The following ADAMTS18 variants were observed in gnomAD, a reference collection of about 807,000 sequenced individuals.
ADAMTS18 encodes ADAM metallopeptidase with thrombospondin type 1 motif 18.
Under a neutral mutation model 165.9 loss-of-function variants are expected in ADAMTS18, and 157 were observed. The ratio of observed to expected loss-of-function variants is 0.95; its 90% CI spans 0.83 to 1.08. The LOEUF (loss-of-function observed/expected upper bound fraction) is 1.08, where lower values mean the gene tolerates loss of function less well. Among genes scored for constraint, ADAMTS18 ranks in the 50% least tolerant of loss-of-function variants. The pLI is 0.00. For missense variants in ADAMTS18, 2,040 were observed against 1,534.0 expected (o/e 1.33, Z -5.51); for synonymous variants, 782 against 578.2 (o/e 1.35, Z -5.06).
intron 3 of ADAMTS18, among the ~76,000 whole-genome samples, chr16:77,405,744 G>T (rs867455983): frequency 5.9e-5 from 9 of 152,196 alleles, no homozygotes; most frequent in Middle Eastern, 6.8e-3. Flanking sequence ...GACTTCCTAG[G>T]TTACAGATGG....
intron 8 of ADAMTS18, among the ~76,000 whole-genome samples, chr16:77,357,974 C>G (rs528253174): frequency 6.6e-6 from 1 of 152,278 alleles, no homozygotes; most frequent in East Asian, 1.9e-4. Context: ...TGAAATTTTT[C>G]AATGACCAGT....
intron 16 of ADAMTS18, among the ~76,000 whole-genome samples, chr16:77,301,267 A>G (rs1422109676): frequency 5.8e-5 from 8 of 138,780 alleles, no homozygotes; most frequent in Non-Finnish European, 1.1e-4. Context: ...GTAGCTGCCT[A>G]TATTTTCATT....
At chr16:77,295,887 AG>A (rs1379193006) in intron 18 of ADAMTS18, among the ~76,000 whole-genome samples, 2 of 151,996 alleles carry the variant, frequency 1.3e-5, no homozygotes, top group Non-Finnish European at 2.9e-5. Flanking sequence ...CTTGTTGCCC[AG>A]GCTGGAGTGC....
intron 9 of ADAMTS18, among the ~76,000 whole-genome samples, chr16:77,355,589 A>G (rs1411835419): frequency 1.3e-5 from 2 of 152,190 alleles, no homozygotes; most frequent in African/African-American, 4.8e-5. Context: ...TAGAGATCCT[A>G]GAGTCAGAAC....
At chr16:77,323,312 T>C (rs944799086) in intron 13 of ADAMTS18, among the ~76,000 whole-genome samples, 1 of 152,158 alleles carries the variant, frequency 6.6e-6, no homozygotes, top group African/African-American at 2.4e-5. Flanking sequence ...TTGCAAATAG[T>C]TGTGCTTCAT....
Position 77,319,889 on chromosome 16 carries a change from A to G in ADAMTS18, c.2492T>C (p.Leu831Pro). ...CTCATTTGTGGGCCCTGGCGCGTAC[A>G]GACGTTCCGGGCGGTTGAAAGAGCG... ...YQRSFNRPER[L>P]YAPGPTNETL... The change falls in exon 16 of 23, where the codon CTG becomes CCG. Residue 831 changes from leucine (L) to proline (P), a missense_variant. Coordinates refer to ENST00000282849, the MANE Select transcript of ADAMTS18 (RefSeq NM_199355.4). 1 of 1,614,226 alleles carries G rather than the reference A, an allele frequency of 6.2e-7. No homozygotes were observed. Among genetic ancestry groups the G allele is most frequent in the Non-Finnish European group, 8.5e-7 (1 of 1,180,028 alleles).
rs114277935 is a variant in ADAMTS18, at chr16:77,363,035, C to G, written c.1056+767G>C. ...GCAATTAGATCAACTTTTGTCTTGTCTGTGTCTTCCTGCTTTTTATGTTTT... is the reference window on the plus strand; with the variant it reads ...GCAATTAGATCAACTTTTGTCTTGTGTGTGTCTTCCTGCTTTTTATGTTTT... On this transcript the variant is annotated intron_variant, in intron 6 of 22. Coordinates refer to ENST00000282849, the MANE Select transcript of ADAMTS18 (RefSeq NM_199355.4). 6.4e-3 allele frequency among the ~76,000 whole-genome samples: 979 copies of G among 152,278 alleles called. 10 individuals are homozygous for G. Among genetic ancestry groups the G allele is most frequent in the African/African-American group, 0.022 (910 of 41,568 alleles).
chr16:77,414,724 G>A (rs970077992), intron 3 of ADAMTS18, among the ~76,000 whole-genome samples: 1 of 152,122 alleles, frequency 6.6e-6, no homozygotes, highest in African/African-American at 2.4e-5. Context: ...ACTAAAATTA[G>A]ATTCATTCAA....
intron 9 of ADAMTS18, among the ~76,000 whole-genome samples, chr16:77,354,332 G>A (rs2056597951): frequency 6.6e-6 from 1 of 151,972 alleles, no homozygotes; most frequent in Non-Finnish European, 1.5e-5. Flanking sequence ...TTTTTAAACA[G>A]ATAATGGAGC....
intron 16 of ADAMTS18, among the ~76,000 whole-genome samples, 198 bp from the exon 17 acceptor site, chr16:77,300,602 A>C (rs1016130094): frequency 5.3e-5 from 8 of 152,188 alleles, no homozygotes; most frequent in African/African-American, 1.7e-4. Context: ...CATGTTATCA[A>C]AACTGTGATT....
intron 16 of ADAMTS18, among the ~76,000 whole-genome samples, chr16:77,315,165 A>T (rs1220151956): frequency 6.6e-6 from 1 of 152,092 alleles, no homozygotes; most frequent in African/African-American, 2.4e-5. Flanking sequence ...CTAAAAAAAA[A>T]TTTCTGTATC....
intron 3 of ADAMTS18, among the ~76,000 whole-genome samples, chr16:77,392,020 T>A (rs1393065976): frequency 6.6e-6 from 1 of 152,092 alleles, no homozygotes; most frequent in Non-Finnish European, 1.5e-5. Flanking sequence ...AGAAAAACAG[T>A]CTCTCCACAT....
intron 3 of ADAMTS18, among the ~76,000 whole-genome samples, chr16:77,400,467 TGTGTGTGTGTG>T (rs1423128895): frequency 6.3e-5 from 9 of 142,716 alleles, no homozygotes; most frequent in African/African-American, 2.3e-4. Context: ...TGTGTGTGTG[TGTGTGTGTGTG>T]TGTTTTGTTT....
chr16:77,407,345 C>A (rs1170031366), intron 3 of ADAMTS18, among the ~76,000 whole-genome samples: 1 of 151,930 alleles, frequency 6.6e-6, no homozygotes, highest in African/African-American at 2.4e-5. Context: ...AAGACTTAAC[C>A]AAATTAGATG....
At chr16:77,350,494 G>T (rs182488528) in intron 10 of ADAMTS18, among the ~76,000 whole-genome samples, 199 of 152,274 alleles carry the variant, frequency 1.3e-3, no homozygotes, top group Admixed American at 2.0e-3. Flanking sequence ...AGCCATGGAG[G>T]AACTATTGTA....
chr16:77,301,499 G>A (rs1360260329), intron 16 of ADAMTS18, among the ~76,000 whole-genome samples: 1 of 152,164 alleles, frequency 6.6e-6, no homozygotes. Context: ...ATAAATAGCT[G>A]GTTCTTTCCC....
chr16:77,399,160 T>C (rs1471616597), intron 3 of ADAMTS18, among the ~76,000 whole-genome samples: 1 of 152,184 alleles, frequency 6.6e-6, no homozygotes, highest in Non-Finnish European at 1.5e-5. Flanking sequence ...TTACTCAGGC[T>C]TAGAGATGAG....
intron 10 of ADAMTS18, 44 bp downstream of exon 10, chr16:77,353,689 A>G: frequency 6.2e-7 from 1 of 1,613,882 alleles, no homozygotes. Context: ...ACACAGACAC[A>G]TTGCAGAGTC....
chr16:77,343,687 G>A (rs748994121), intron 10 of ADAMTS18, among the ~76,000 whole-genome samples: 1 of 152,120 alleles, frequency 6.6e-6, no homozygotes, highest in Admixed American at 6.5e-5. Context: ...ATGGATATTG[G>A]AAGGCTCTCA....
Sources: allele counts gnomAD v4.1 joint callset (sites outside exome capture counted in the v4.1 genomes callset), GRCh38; gene constraint gnomAD v4.1.1; transcripts MANE v1.5; gene names NCBI Gene and HGNC (gene_info 2026-07-23, HGNC 2026-07-21).